Variants in KCNK10 observed in about 807,000 individuals in gnomAD.
KCNK10 encodes the protein potassium channel subfamily K member 10.
In KCNK10, 25 loss-of-function variants were observed where a neutral mutation model predicts 47.7. That is an observed-to-expected ratio of 0.52 (90% CI 0.38 to 0.73). KCNK10 has a LOEUF of 0.73. Among genes scored for constraint, KCNK10 ranks in the 30% least tolerant of loss-of-function variants. KCNK10 has a pLI of 0.00. For missense variants in KCNK10, 563 were observed against 714.5 expected (o/e 0.79, Z 2.42); for synonymous variants, 303 against 285.6 (o/e 1.06, Z -0.61).
intron 1 of KCNK10, among the ~76,000 whole-genome samples, chr14:88,316,425 A>G (rs191815801): frequency 3.2e-4 from 49 of 152,326 alleles, no homozygotes; most frequent in African/African-American, 1.1e-3. Flanking sequence ...AATGAGCCAG[A>G]CATAGATAAA....
chr14:88,219,521 C>G (rs1885729597), intron 4 of KCNK10, among the ~76,000 whole-genome samples: 1 of 152,180 alleles, frequency 6.6e-6, no homozygotes, highest in African/African-American at 2.4e-5. Context: ...TTGATTGATT[C>G]AAGGATCCCA....
intron 1 of KCNK10, among the ~76,000 whole-genome samples, chr14:88,269,028 C>T (rs962237515): frequency 6.6e-6 from 1 of 152,160 alleles, no homozygotes; most frequent in Admixed American, 6.5e-5. Flanking sequence ...GTCCCAGCTA[C>T]TCGGGAGGCT....
intron 2 of KCNK10, among the ~76,000 whole-genome samples, chr14:88,255,106 C>A (rs914295239): frequency 3.9e-5 from 6 of 152,184 alleles, no homozygotes; most frequent in African/African-American, 1.4e-4. Context: ...ATATTCCCCA[C>A]GTGGAGTGCT....
chr14:88,325,209 AG>A (rs1267251777), upstream of KCNK10, among the ~76,000 whole-genome samples: 2 of 152,164 alleles, frequency 1.3e-5, no homozygotes, highest in Non-Finnish European at 2.9e-5. Context: ...CTTCTAAGAA[AG>A]GCTTTCGAAC....
intron 1 of KCNK10, 94 bp from the exon 2 acceptor site, chr14:88,263,645 G>T: frequency 8.7e-7 from 1 of 1,147,198 alleles, no homozygotes; most frequent in Non-Finnish European, 1.2e-6. Context: ...TCTTCTTTGA[G>T]CCAGCTTTCA....
chr14:88,210,934 A>G (rs899254628), intron 4 of KCNK10, among the ~76,000 whole-genome samples: 1 of 152,198 alleles, frequency 6.6e-6, no homozygotes, highest in Non-Finnish European at 1.5e-5. Context: ...CCACTGTAGA[A>G]AACAGTGTCA....
Position 88,322,219 on chromosome 14 carries a change from T to C in KCNK10, c.52+528A>G, listed in dbSNP as rs1322721707. ...GATTGAACGAAGACTCAGGAGGCCCTGTGGGCTCCATTATTCTGCATGCCC... is the reference window on the plus strand; with the variant it reads ...GATTGAACGAAGACTCAGGAGGCCCCGTGGGCTCCATTATTCTGCATGCCC... On this transcript the variant is annotated intron_variant, in intron 1 of 6. Transcript: ENST00000319231. The surrounding 1 kb of genome is among the most constrained non-coding windows in gnomAD (Gnocchi z 4.8). Among the ~76,000 whole-genome samples the C allele has an allele frequency of 6.6e-6, 1 of 152,102 alleles. No individual in the cohort carries two copies. Among genetic ancestry groups the C allele is most frequent in the Non-Finnish European group, 1.5e-5 (1 of 68,042 alleles).
intron 4 of KCNK10, among the ~76,000 whole-genome samples, chr14:88,219,432 C>T (rs758385433): frequency 2.6e-5 from 4 of 152,208 alleles, no homozygotes; most frequent in Non-Finnish European, 5.9e-5. Context: ...CTATCTAGCC[C>T]CTGAGCCTGA....
At chr14:88,290,781 A>C (rs974470961) in intron 1 of KCNK10, among the ~76,000 whole-genome samples, 1 of 152,240 alleles carries the variant, frequency 6.6e-6, no homozygotes, top group Non-Finnish European at 1.5e-5. Context: ...CTAAGCTAAC[A>C]TGGCCACAAG....
In KCNK10 at chr14:88,180,126, C is replaced by T. The variant is rs1207461064; in HGVS notation, c.*5409G>A. The stretch of plus-strand genomic sequence containing the variant: ...CATTGGATTGGATCTTCCAGAAGGT[C>T]TTTGTTGCAATTTTTCTCCATCATT... On this transcript the variant is annotated 3_prime_UTR_variant, in exon 7 of 7. Coordinates refer to ENST00000319231, the MANE Select transcript of KCNK10 (RefSeq NM_138317.3). 6.6e-6 allele frequency: 1 copy of T among 152,132 alleles called. No homozygotes were observed. Among genetic ancestry groups the T allele is most frequent in the Non-Finnish European group, 1.5e-5 (1 of 67,990 alleles). 9.4% of individuals were successfully genotyped at this position (152,132 alleles called of 1,614,324 possible).
At position 88,185,713 on chromosome 14, in the gene KCNK10, G is replaced by A. The variant is rs1465870464; in HGVS notation, c.1454C>T (p.Ser485Phe). The A allele has an allele frequency of 1.2e-6, 2 of 1,614,122 alleles. No homozygotes were observed. The highest frequency in any genetic ancestry group is 1.7e-6 in the Non-Finnish European group (2 of 1,180,030). Reference sequence around the variant, plus strand: ...CTCCTCTTTCTTCTCCTCGTCCAGGGAGTAATTCCGGAAGGTCTTGTAGAT... The same window carrying A: ...CTCCTCTTTCTTCTCCTCGTCCAGGAAGTAATTCCGGAAGGTCTTGTAGAT... ...QKIYKTFRNY[S>F]LDEEKKEEET... Residue 485 changes from serine to phenylalanine, a missense_variant, in exon 7 of 7, where the codon TCC becomes TTC. Physicochemically the swap from Ser to Phe is radical, Grantham distance 155 (BLOSUM62 -2). Transcript: ENST00000319231. This position sits in a 1 kb window ranked among gnomAD's most constrained non-coding sequence, Gnocchi z 4.3.
chr14:88,206,278 G>A (rs376147611), intron 4 of KCNK10, among the ~76,000 whole-genome samples: 1 of 152,182 alleles, frequency 6.6e-6, no homozygotes, highest in Non-Finnish European at 1.5e-5. Flanking sequence ...TGTCACAACT[G>A]GAGGGGCACG....
rs189129256 is a variant in KCNK10 at position 88,280,502 on chromosome 14, T to C, written c.53-16951A>G. On this transcript the variant is annotated intron_variant, in intron 1 of 6. Coordinates refer to ENST00000319231, the MANE Select transcript of KCNK10 (RefSeq NM_138317.3). ...CCCAAAATGTCCTTGGAACTCCAGC[T>C]TCACACACCCAATTGCCTACTATTG... 4.0e-3 allele frequency among the ~76,000 whole-genome samples: 613 copies of C among 152,272 alleles called. 5 individuals are homozygous for C. Among genetic ancestry groups the C allele is most frequent in the South Asian group, 0.024 (118 of 4,822 alleles).
intron 1 of KCNK10, among the ~76,000 whole-genome samples, chr14:88,283,300 G>A (rs1412511741): frequency 1.3e-5 from 2 of 152,288 alleles, no homozygotes; most frequent in East Asian, 1.9e-4. Context: ...TTTAAACAGT[G>A]GAATAAACTC....
rs1884311986 is a variant in KCNK10, at chr14:88,180,565, T to C, written c.*4970A>G. The C allele has an allele frequency of 5.2e-6, 2 of 384,056 alleles. No individual in the cohort carries two copies. The highest frequency in any genetic ancestry group is 2.9e-4 in the South Asian group (2 of 6,876). 23.8% of individuals were successfully genotyped at this position (384,056 alleles called of 1,614,324 possible). A position where few individuals can be genotyped will look rare whatever the true frequency, so the allele number is the denominator to read the frequency against. ...CGGAGCAGGAGTCCTCTCAAAATAA[T>C]TTATTTTAATGCACAGGGAACTATT... On this transcript the variant is annotated 3_prime_UTR_variant, in exon 7 of 7. Coordinates refer to ENST00000319231, the MANE Select transcript of KCNK10 (RefSeq NM_138317.3).
At chr14:88,257,724 G>A (rs1030559111) in intron 2 of KCNK10, among the ~76,000 whole-genome samples, 1 of 152,214 alleles carries the variant, frequency 6.6e-6, no homozygotes, top group African/African-American at 2.4e-5. Flanking sequence ...CAGCTGTGGG[G>A]ACTGAAGGAG....
chr14:88,199,057 T>A (rs1885015731), intron 4 of KCNK10, among the ~76,000 whole-genome samples: 1 of 151,928 alleles, frequency 6.6e-6, no homozygotes, highest in South Asian at 2.1e-4. Flanking sequence ...GTAGCTGAGA[T>A]TACAGGAGCG....
intron 4 of KCNK10, among the ~76,000 whole-genome samples, chr14:88,201,204 C>A (rs919986759): frequency 3.9e-5 from 6 of 152,204 alleles, no homozygotes; most frequent in African/African-American, 1.4e-4. Context: ...GTGATCTCAT[C>A]TAAGTTTTAT....
chr14:88,197,860 GA>G (rs755910677), intron 4 of KCNK10, among the ~76,000 whole-genome samples: 1,368 of 27,062 alleles, frequency 0.051, 10 homozygotes, highest in Non-Finnish European at 0.068. Flanking sequence ...GGAGGGAAGG[GA>G]GAGAGAGAGA....
Sources: gnomAD v4.1 joint callset for allele counts (sites outside exome capture counted in the v4.1 genomes callset) on GRCh38, gnomAD v4.1.1 for gene constraint, Gnocchi (gnomAD v3.1) non-coding constraint, MANE v1.5 for transcripts, NCBI Gene and HGNC (gene_info 2026-07-23, HGNC 2026-07-21) for gene names.